Variants in ITFG1 observed in about 807,000 individuals in gnomAD.
ITFG1 encodes the protein integrin alpha FG-GAP repeat containing 1.
In ITFG1, 34 loss-of-function variants were observed where a neutral mutation model predicts 81.8. The observed-to-expected ratio is 0.42, with a 90% CI of 0.32 to 0.55. The LOEUF (loss-of-function observed/expected upper bound fraction) is 0.55. Ranked by LOEUF, ITFG1 falls within the 20% of genes least tolerant of loss-of-function variation. The pLI, the probability that ITFG1 is intolerant of heterozygous loss-of-function variation, is 0.17. For missense variants in ITFG1, 672 were observed against 755.4 expected (o/e 0.89, Z 1.29); for synonymous variants, 285 against 270.6 (o/e 1.05, Z -0.52).
chr16:47,457,112 C>A (rs919936433), intron 2 of ITFG1, among the ~76,000 whole-genome samples: 3 of 152,094 alleles, frequency 2.0e-5, no homozygotes, highest in African/African-American at 7.2e-5. Context: ...GAGCTCGAGA[C>A]CAGCCTGGCC....
At chr16:47,334,420 C>T (rs1379356221) in intron 8 of ITFG1, among the ~76,000 whole-genome samples, 2 of 152,098 alleles carry the variant, frequency 1.3e-5, no homozygotes, top group Non-Finnish European at 2.9e-5. Flanking sequence ...AGAGTGAGCC[C>T]TGTCTTAAAA....
chr16:47,297,347 G>A (rs1966998616), intron 10 of ITFG1, among the ~76,000 whole-genome samples: 1 of 152,082 alleles, frequency 6.6e-6, no homozygotes, highest in East Asian at 1.9e-4. Flanking sequence ...TAAGCAGCAT[G>A]TAGATGGCTG....
At chr16:47,183,368 T>G (rs1203194342) in intron 14 of ITFG1, among the ~76,000 whole-genome samples, 1 of 152,132 alleles carries the variant, frequency 6.6e-6, no homozygotes, top group Admixed American at 6.5e-5. Flanking sequence ...CTCTGCAGAC[T>G]TAAATGTCCC....
chr16:47,239,147 C>T (rs943924876), intron 12 of ITFG1, among the ~76,000 whole-genome samples: 2 of 152,026 alleles, frequency 1.3e-5, no homozygotes, highest in African/African-American at 4.8e-5. Context: ...TTGGACTTCC[C>T]AGCCTCAAGA....
At chr16:47,439,978 G>A (rs186573978) in intron 5 of ITFG1, among the ~76,000 whole-genome samples, 7 of 152,110 alleles carry the variant, frequency 4.6e-5, no homozygotes, top group Non-Finnish European at 7.4e-5. Context: ...TCAAAATAAA[G>A]GGATGGAGGA....
chr16:47,451,998 G>C (rs1035401618), intron 4 of ITFG1, among the ~76,000 whole-genome samples: 8 of 152,096 alleles, frequency 5.3e-5, no homozygotes, highest in African/African-American at 1.4e-4. Context: ...AATAATCCTA[G>C]TTGGTATAAA....
At chr16:47,403,099 G>C (rs1043114001) in intron 6 of ITFG1, among the ~76,000 whole-genome samples, 2 of 152,060 alleles carry the variant, frequency 1.3e-5, no homozygotes, top group African/African-American at 2.4e-5. Context: ...CATTGTACTT[G>C]ACAAATTTTT....
Position 47,318,527 on chromosome 16 carries a change from TACA to T in ITFG1, c.803-4707_803-4705del, listed in dbSNP as rs1481170263. Among the ~76,000 whole-genome samples the T allele has an allele frequency of 3.1e-4, 47 of 152,302 alleles. No individual in the cohort carries two copies. In the East Asian group the frequency reaches 6.2e-3, roughly 20 times the overall value. ...AAATGAAAATTATGGTTTCAATTGTTACATTAAATTAAAATTTATATTTTACGC... is the reference window on the plus strand; with the variant it reads ...AAATGAAAATTATGGTTTCAATTGTTTTAAATTAAAATTTATATTTTACGC... On this transcript the variant is annotated intron_variant, in intron 8 of 17. Coordinates refer to ENST00000320640, the MANE Select transcript of ITFG1 (RefSeq NM_030790.5).
intron 14 of ITFG1, among the ~76,000 whole-genome samples, chr16:47,189,547 C>T (rs1965267428): frequency 6.6e-6 from 1 of 152,166 alleles, no homozygotes. Flanking sequence ...GTTTTTGTGA[C>T]TGAATAATAT....
intron 13 of ITFG1, among the ~76,000 whole-genome samples, chr16:47,223,472 C>T (rs1195505071): frequency 6.6e-6 from 1 of 152,198 alleles, no homozygotes; most frequent in African/African-American, 2.4e-5. Context: ...AAATGCTCAC[C>T]ATCACTGGCT....
Position 47,453,291 on chromosome 16 carries a change from C to T in ITFG1, c.428-501G>A, listed in dbSNP as rs114241491. ...CATGACTGAAATTTGGCTCCATGAACAAAGTTGCCTATTTAGGTATAACTA... is the reference window on the plus strand; with the variant it reads ...CATGACTGAAATTTGGCTCCATGAATAAAGTTGCCTATTTAGGTATAACTA... On this transcript the variant is annotated intron_variant, in intron 3 of 17. Transcript: ENST00000320640. 2.2e-3 allele frequency among the ~76,000 whole-genome samples: 336 copies of T among 152,294 alleles called. 4 individuals carry two copies. The highest frequency in any genetic ancestry group is 7.9e-3 in the African/African-American group (330 of 41,564).
At chr16:47,169,785 C>T (rs778909715) in intron 14 of ITFG1, among the ~76,000 whole-genome samples, 1 of 152,128 alleles carries the variant, frequency 6.6e-6, no homozygotes, top group Non-Finnish European at 1.5e-5. Flanking sequence ...ATGCTTTCAG[C>T]TTTTCATCAT....
intron 6 of ITFG1, among the ~76,000 whole-genome samples, chr16:47,407,085 A>G (rs1264328042): frequency 1.3e-5 from 2 of 152,314 alleles, no homozygotes; most frequent in East Asian, 3.9e-4. Flanking sequence ...GACTTTGGCT[A>G]TTTATCCAAA....
At chr16:47,187,810 T>C (rs1311723806) in intron 14 of ITFG1, among the ~76,000 whole-genome samples, 13 of 151,914 alleles carry the variant, frequency 8.6e-5, no homozygotes, top group Admixed American at 8.5e-4. Context: ...GAAACTACCA[T>C]CAGAGTGAAC....
chr16:47,263,385 T>C (rs1966234729), intron 10 of ITFG1: 1 of 476,056 alleles, frequency 2.1e-6, no homozygotes, highest in Admixed American at 2.2e-5. Flanking sequence ...GCCACCTGCA[T>C]AGATGCCTAC....
chr16:47,257,854 AT>A (rs1327484637), intron 12 of ITFG1, among the ~76,000 whole-genome samples: 1 of 152,234 alleles, frequency 6.6e-6, no homozygotes, highest in African/African-American at 2.4e-5. Flanking sequence ...AAAGAGAGAA[AT>A]GTCTGATTCC....
intron 6 of ITFG1, 110 bp downstream of exon 6, chr16:47,428,694 C>A: frequency 1.4e-6 from 1 of 735,028 alleles, no homozygotes; most frequent in East Asian, 2.6e-5. Context: ...ATCCTTTAAA[C>A]ATTAATTTCA....
chr16:47,244,823 G>C (rs1213514380), intron 12 of ITFG1, among the ~76,000 whole-genome samples: 1 of 151,966 alleles, frequency 6.6e-6, no homozygotes, highest in Non-Finnish European at 1.5e-5. Context: ...TGAGCTTGCT[G>C]CTTCTCTCTA....
intron 6 of ITFG1, among the ~76,000 whole-genome samples, chr16:47,425,449 C>T (rs1279882080): frequency 6.6e-6 from 1 of 152,152 alleles, no homozygotes; most frequent in Non-Finnish European, 1.5e-5. Context: ...CCTTGGGCTG[C>T]ACCCACTGTC....
Sources: gnomAD v4.1 joint callset for allele counts (sites outside exome capture counted in the v4.1 genomes callset) on GRCh38, gnomAD v4.1.1 for gene constraint, MANE v1.5 for transcripts, NCBI Gene and HGNC (gene_info 2026-07-23, HGNC 2026-07-21) for gene names.